PRKG1: variants seen among roughly 807,000 people sequenced by gnomAD.
The protein encoded by PRKG1 is cGMP-dependent protein kinase 1.
Under a neutral mutation model 88.1 loss-of-function variants are expected in PRKG1, and 35 were observed. The observed-to-expected ratio is 0.40, with a 90% CI of 0.30 to 0.53. The LOEUF is 0.53. Among genes scored for constraint, PRKG1 ranks in the 20% least tolerant of loss-of-function variants. The probability of loss-of-function intolerance (pLI) is 0.59; values close to 1 mark genes in which losing one functional copy is unlikely to be tolerated. For missense variants in PRKG1, 540 were observed against 839.8 expected, an observed-to-expected ratio of 0.64 and a Z score of 4.41; for synonymous variants, 303 against 292.5, an observed-to-expected ratio of 1.04 and a Z score of -0.37.
chr10:51,495,652 T>C (rs998055243), intron 3 of PRKG1, among the ~76,000 whole-genome samples: 7 of 152,220 alleles, frequency 4.6e-5, no homozygotes, highest in Non-Finnish European at 8.8e-5. Flanking sequence ...TTGACTAAGA[T>C]ATCAAATGCT....
At chr10:52,014,780 C>T (rs973899807) in intron 5 of PRKG1, among the ~76,000 whole-genome samples, 1 of 152,172 alleles carries the variant, frequency 6.6e-6, no homozygotes, top group Non-Finnish European at 1.5e-5. Context: ...GAGAAATTGG[C>T]CAAAACAAAG....
At chr10:51,893,651 A>G (rs902099118) in intron 4 of PRKG1, among the ~76,000 whole-genome samples, 3 of 152,214 alleles carry the variant, frequency 2.0e-5, no homozygotes, top group African/African-American at 7.2e-5. Context: ...GTATAGCATT[A>G]CAGAAGCTAA....
At chr10:51,708,226 C>G (rs1314914915) in intron 3 of PRKG1, among the ~76,000 whole-genome samples, 1 of 152,158 alleles carries the variant, frequency 6.6e-6, no homozygotes, top group Non-Finnish European at 1.5e-5. Flanking sequence ...CTCGCGTCAC[C>G]TGCTGTGTGC....
intron 9 of PRKG1, among the ~76,000 whole-genome samples, chr10:52,174,857 G>T (rs569150761): frequency 6.6e-6 from 1 of 151,856 alleles, no homozygotes; most frequent in African/African-American, 2.4e-5. Flanking sequence ...TTATATCAAT[G>T]CATCTTTATT....
At chr10:52,034,445 A>C (rs559116683) in intron 5 of PRKG1, among the ~76,000 whole-genome samples, 31 of 150,504 alleles carry the variant, frequency 2.1e-4, no homozygotes, top group African/African-American at 6.4e-4. Flanking sequence ...ATATAGAATG[A>C]TTGGTGATGG....
chr10:51,651,584 CT>C (rs11464425), intron 3 of PRKG1, among the ~76,000 whole-genome samples: 234 of 144,364 alleles, frequency 1.6e-3, no homozygotes, highest in African/African-American at 2.5e-3. Flanking sequence ...ACAGATCTTA[CT>C]TTTTTTTTTT....
chr10:51,751,107 C>T (rs1837713862), intron 3 of PRKG1, among the ~76,000 whole-genome samples: 1 of 152,200 alleles, frequency 6.6e-6, no homozygotes, highest in Non-Finnish European at 1.5e-5. Flanking sequence ...CCCAACCTTA[C>T]TCAGAGTTCA....
chr10:52,026,566 G>A (rs1007796249), intron 5 of PRKG1, among the ~76,000 whole-genome samples: 1 of 152,226 alleles, frequency 6.6e-6, no homozygotes, highest in African/African-American at 2.4e-5. Flanking sequence ...GGCAGAATGG[G>A]GAGTGATTAC....
intron 3 of PRKG1, among the ~76,000 whole-genome samples, chr10:51,542,825 G>C (rs1439639634): frequency 6.6e-6 from 1 of 152,182 alleles, no homozygotes; most frequent in African/African-American, 2.4e-5. Context: ...CCTTAGGCAA[G>C]TTATGTAGCC....
At chr10:51,292,623 A>G (rs1300981985) in intron 2 of PRKG1, among the ~76,000 whole-genome samples, 1 of 152,138 alleles carries the variant, frequency 6.6e-6, no homozygotes, top group Non-Finnish European at 1.5e-5. Context: ...TCAAAATGCT[A>G]TTTTATAATT....
rs182465330 is a variant in PRKG1 at position 51,614,582 on chromosome 10, G to A, written c.592+146746G>A. 4.1e-3 allele frequency among the ~76,000 whole-genome samples: 622 copies of A among 152,036 alleles called. 2 individuals carry two copies. Among genetic ancestry groups the A allele is most frequent in the African/African-American group, 0.014 (588 of 41,532 alleles). On this transcript the variant is annotated intron_variant, in intron 3 of 17. Coordinates refer to ENST00000373980, the MANE Select transcript of PRKG1 (RefSeq NM_006258.4). Reference sequence around the variant, plus strand: ...GTTTCTATCATATTGTTAATTGTTTGTTGCTTGTTTAATGTGTTCCTTGTT... The same window carrying A: ...GTTTCTATCATATTGTTAATTGTTTATTGCTTGTTTAATGTGTTCCTTGTT...
chr10:51,127,167 G>A (rs1845449364), intron 1 of PRKG1, among the ~76,000 whole-genome samples: 2 of 152,086 alleles, frequency 1.3e-5, no homozygotes, highest in Admixed American at 1.3e-4. Flanking sequence ...TCATCAGGGT[G>A]AACAGGCAAT....
At chr10:52,284,572 T>G (rs1408911537) in intron 14 of PRKG1, among the ~76,000 whole-genome samples, 3 of 152,030 alleles carry the variant, frequency 2.0e-5, no homozygotes, top group Admixed American at 2.0e-4. Flanking sequence ...AAAACACACC[T>G]GCCAAACACT....
At chr10:51,123,320 CAA>C (rs879524930) in intron 1 of PRKG1, among the ~76,000 whole-genome samples, 1 of 151,466 alleles carries the variant, frequency 6.6e-6, no homozygotes, top group African/African-American at 2.4e-5. Context: ...AAAATCAGCC[CAA>C]AAAAGGCTTA....
intron 5 of PRKG1, among the ~76,000 whole-genome samples, chr10:51,936,522 AT>A (rs1842803793): frequency 6.6e-6 from 1 of 152,050 alleles, no homozygotes; most frequent in Non-Finnish European, 1.5e-5. Flanking sequence ...AGGTAGTGAA[AT>A]GATCTGTGTA....
At chr10:52,037,153 A>T (rs1472612222) in intron 5 of PRKG1, among the ~76,000 whole-genome samples, 1 of 152,208 alleles carries the variant, frequency 6.6e-6, no homozygotes, top group African/African-American at 2.4e-5. Context: ...TCCCACACAG[A>T]TGGGACACGG....
At chr10:51,033,038 T>C (rs1843305939) in intron 1 of PRKG1, among the ~76,000 whole-genome samples, 1 of 152,190 alleles carries the variant, frequency 6.6e-6, no homozygotes, top group South Asian at 2.1e-4. Context: ...CTGCTTTTTT[T>C]CTTCTTTTCT....
At chr10:52,012,092 A>G (rs10762522) in intron 5 of PRKG1, among the ~76,000 whole-genome samples, 36,253 of 150,990 alleles carry the variant, frequency 0.24, 4,827 homozygotes, top group Admixed American at 0.31. Flanking sequence ...CCTCTCTTTC[A>G]CTCTTCACTG....
intron 2 of PRKG1, among the ~76,000 whole-genome samples, chr10:51,252,389 C>T (rs2132143543): frequency 6.6e-6 from 1 of 151,732 alleles, no homozygotes; most frequent in Middle Eastern, 3.4e-3. Context: ...ATATAAAATG[C>T]ATGTTTTTTA....
Sources: gnomAD v4.1 joint callset for allele counts (sites outside exome capture counted in the v4.1 genomes callset) on GRCh38, gnomAD v4.1.1 for gene constraint, MANE v1.5 for transcripts, NCBI Gene and HGNC (gene_info 2026-07-23, HGNC 2026-07-21) for gene names.